Variants in SPAG16 observed in about 807,000 individuals in gnomAD.
SPAG16 encodes sperm-associated antigen 16 protein.
In SPAG16, 86 loss-of-function variants were observed where a neutral mutation model predicts 80.4. The observed-to-expected ratio is 1.07, with a 90% CI of 0.90 to 1.28. SPAG16 has a LOEUF of 1.28. SPAG16 is among the 50% of genes most tolerant of loss of function. The pLI is 0.00. For synonymous variants in SPAG16, 294 were observed against 265.9 expected (o/e 1.11, Z -1.03); for missense variants, 870 against 765.3 (o/e 1.14, Z -1.61).
At chr2:214,212,929 T>A (rs181538191) in intron 15 of SPAG16, among the ~76,000 whole-genome samples, 21 of 152,336 alleles carry the variant, frequency 1.4e-4, no homozygotes, top group African/African-American at 4.8e-4. Flanking sequence ...CACAGACTCC[T>A]CACCTGCCCG....
intron 13 of SPAG16, among the ~76,000 whole-genome samples, chr2:214,032,530 C>A (rs993180474): frequency 2.6e-5 from 4 of 151,944 alleles, no homozygotes; most frequent in Admixed American, 1.3e-4. Context: ...AACAAAGGAG[C>A]AGGAATACAG....
chr2:214,129,728 C>T (rs1036088287), intron 14 of SPAG16, among the ~76,000 whole-genome samples: 3 of 152,022 alleles, frequency 2.0e-5, no homozygotes, highest in Admixed American at 6.6e-5. Context: ...TTTTCTATTC[C>T]ATGGAATACT....
intron 11 of SPAG16, among the ~76,000 whole-genome samples, chr2:213,919,495 C>T (rs1325582075): frequency 6.6e-6 from 1 of 152,162 alleles, no homozygotes; most frequent in Non-Finnish European, 1.5e-5. Context: ...TCTTGGTTCT[C>T]ATTAGTTTCA....
At chr2:213,718,106 A>G (rs2125382894) in intron 10 of SPAG16, among the ~76,000 whole-genome samples, 1 of 150,038 alleles carries the variant, frequency 6.7e-6, no homozygotes, top group Non-Finnish European at 1.5e-5. Context: ...CCATCTGACA[A>G]AGGGATAATA....
chr2:214,350,953 A>T (rs16851849), intron 15 of SPAG16, among the ~76,000 whole-genome samples: 3,753 of 152,124 alleles, frequency 0.025, 152 homozygotes, highest in African/African-American at 0.086. Context: ...GCAACTTGGA[A>T]TAAGAAAAGA....
At chr2:213,298,210 T>A (rs1171632683) in intron 3 of SPAG16, among the ~76,000 whole-genome samples, 1 of 152,162 alleles carries the variant, frequency 6.6e-6, no homozygotes, top group East Asian at 1.9e-4. Flanking sequence ...CAGAATTAAT[T>A]GCATTCTGTT....
intron 13 of SPAG16, among the ~76,000 whole-genome samples, chr2:214,059,222 G>GTATATATATATATATATATATA (rs34244219): frequency 1.6e-4 from 19 of 121,452 alleles, no homozygotes; most frequent in African/African-American, 6.5e-4. Context: ...ATATGTATGT[G>GTATATATATATATATATATATA]TATATATATA....
Position 214,348,590 on chromosome 2 carries a change from C to G in SPAG16, c.1721-61550C>G, listed in dbSNP as rs531652420. Among the ~76,000 whole-genome samples the G allele has an allele frequency of 2.0e-5, 3 of 152,242 alleles. No homozygotes were observed. The South Asian group carries it at 6.2e-4, about 32-fold the overall frequency. On this transcript the variant is annotated intron_variant, in intron 15 of 15. Transcript: ENST00000331683. ...AGCTGCCACATAAGAAGCCCAGTTA[C>G]CGTGAGAACACCACTCTGGAGAAGC... is the stretch of plus-strand genomic sequence containing the variant.
intron 12 of SPAG16, among the ~76,000 whole-genome samples, chr2:213,992,663 T>A (rs1252355108): frequency 6.6e-6 from 1 of 152,156 alleles, no homozygotes; most frequent in Non-Finnish European, 1.5e-5. Flanking sequence ...TACCGAATAA[T>A]AGGTGCAAAA....
intron 9 of SPAG16, among the ~76,000 whole-genome samples, chr2:213,452,667 C>G (rs1482054898): frequency 6.6e-6 from 1 of 152,198 alleles, no homozygotes; most frequent in Non-Finnish European, 1.5e-5. Flanking sequence ...TAATTATTAA[C>G]AAGGTGAACA....
At chr2:213,497,084 GAA>G (rs2074526046) in intron 10 of SPAG16, among the ~76,000 whole-genome samples, 1 of 151,744 alleles carries the variant, frequency 6.6e-6, no homozygotes, top group East Asian at 1.9e-4. Context: ...GTATTTTACA[GAA>G]TAATTTAAAA....
At chr2:213,717,286 G>A (rs2066281519) in intron 10 of SPAG16, among the ~76,000 whole-genome samples, 1 of 151,766 alleles carries the variant, frequency 6.6e-6, no homozygotes, top group East Asian at 1.9e-4. Context: ...AGGCTCCTGA[G>A]TAGCTAGGAC....
At chr2:213,626,977 A>G (rs1042303419) in intron 10 of SPAG16, among the ~76,000 whole-genome samples, 2 of 152,130 alleles carry the variant, frequency 1.3e-5, no homozygotes, top group African/African-American at 4.8e-5. Flanking sequence ...CCAAAGTACT[A>G]TAGACAAAAG....
intron 15 of SPAG16, among the ~76,000 whole-genome samples, chr2:214,343,366 T>C (rs1697835528): frequency 6.6e-6 from 1 of 152,122 alleles, no homozygotes; most frequent in Non-Finnish European, 1.5e-5. Context: ...CTTTTAATAA[T>C]AGATCTTTCT....
At chr2:213,677,443 A>G (rs1463316709) in intron 10 of SPAG16, among the ~76,000 whole-genome samples, 1 of 152,046 alleles carries the variant, frequency 6.6e-6, no homozygotes, top group African/African-American at 2.4e-5. Context: ...CAAATGGAAA[A>G]CAAAAAAAGG....
At chr2:214,386,133 G>A (rs983494618) in intron 15 of SPAG16, among the ~76,000 whole-genome samples, 6 of 152,168 alleles carry the variant, frequency 3.9e-5, no homozygotes, top group African/African-American at 9.7e-5. Flanking sequence ...CTAGCACTTC[G>A]GGAGGCTGAG....
At chr2:214,215,283 T>C (rs1215737937) in intron 15 of SPAG16, among the ~76,000 whole-genome samples, 2 of 152,024 alleles carry the variant, frequency 1.3e-5, no homozygotes, top group African/African-American at 4.8e-5. Flanking sequence ...TTAACCAACC[T>C]TCCTCAAGAT....
chr2:214,181,385 A>G (rs2057303004), intron 15 of SPAG16, among the ~76,000 whole-genome samples: 1 of 151,780 alleles, frequency 6.6e-6, no homozygotes, highest in Non-Finnish European at 1.5e-5. Context: ...TTGACATGAC[A>G]GAAAGTATGA....
At chr2:214,128,821 C>T (rs1211390963) in intron 14 of SPAG16, among the ~76,000 whole-genome samples, 13 of 151,732 alleles carry the variant, frequency 8.6e-5, no homozygotes, top group Non-Finnish European at 1.6e-4. Flanking sequence ...TTCTGGAATG[C>T]TGTCAAGTTA....
Sources: allele counts gnomAD v4.1 joint callset (sites outside exome capture counted in the v4.1 genomes callset), GRCh38; gene constraint gnomAD v4.1.1; transcripts MANE v1.5; gene names NCBI Gene and HGNC (gene_info 2026-07-23, HGNC 2026-07-21).